Variants in GRXCR1 observed in about 807,000 individuals in gnomAD.
GRXCR1 encodes glutaredoxin and cysteine rich domain containing 1.
GRXCR1 carries 27 observed loss-of-function variants against 27.3 expected under a neutral mutation model. The observed-to-expected ratio is 0.99, with a 90% CI of 0.73 to 1.37. The LOEUF (loss-of-function observed/expected upper bound fraction) is 1.37, where lower values mean the gene tolerates loss of function less well. GRXCR1 is among the 40% of genes most tolerant of loss of function. The probability of loss-of-function intolerance (pLI) is 0.00; values close to 1 mark genes in which losing one functional copy is unlikely to be tolerated. For missense variants in GRXCR1, 379 were observed against 354.4 expected (o/e 1.07, Z -0.56); for synonymous variants, 122 against 131.1 (o/e 0.93, Z 0.47).
chr4:42,899,520 T>G (rs1259875259), intron 1 of GRXCR1, among the ~76,000 whole-genome samples: 1 of 152,170 alleles, frequency 6.6e-6, no homozygotes, highest in Non-Finnish European at 1.5e-5. Flanking sequence ...AATGCTTATA[T>G]TTTTCTCCTT....
chr4:42,997,840 T>G (rs1712222482), intron 2 of GRXCR1, among the ~76,000 whole-genome samples: 1 of 152,110 alleles, frequency 6.6e-6, no homozygotes, highest in African/African-American at 2.4e-5. Context: ...CTCCTAATGA[T>G]CCCAGTTCTT....
At chr4:42,913,201 A>C (rs1254480393) in intron 1 of GRXCR1, among the ~76,000 whole-genome samples, 1 of 152,188 alleles carries the variant, frequency 6.6e-6, no homozygotes, top group African/African-American at 2.4e-5. Context: ...GATACCAAAA[A>C]ATGTGGAAGT....
At position 42,904,163 on chromosome 4, in the gene GRXCR1, C is replaced by A. The variant is rs1266869756; in HGVS notation, c.384+10513C>A. On this transcript the variant is annotated intron_variant, in intron 1 of 3. Transcript: ENST00000399770. The stretch of plus-strand genomic sequence containing the variant: ...AGAATGTCTAGAGATGATTTTGGTC[C>A]ATGGATTCTGGTGTCCATCTTCATT... 2.0e-5 allele frequency among the ~76,000 whole-genome samples: 3 copies of A among 152,106 alleles called. No individual in the cohort carries two copies. The East Asian group carries it at 5.8e-4, about 29-fold the overall frequency.
intron 1 of GRXCR1, among the ~76,000 whole-genome samples, chr4:42,936,080 T>C (rs991489842): frequency 1.7e-4 from 26 of 152,050 alleles, no homozygotes; most frequent in African/African-American, 6.3e-4. Context: ...TGGAGACTTG[T>C]AGTCCTGGCT....
chr4:42,954,321 A>G (rs891097879), intron 1 of GRXCR1, among the ~76,000 whole-genome samples: 1 of 152,158 alleles, frequency 6.6e-6, no homozygotes, highest in Admixed American at 6.5e-5. Context: ...TGGAATTTCT[A>G]GGACTGTCCC....
intron 1 of GRXCR1, among the ~76,000 whole-genome samples, chr4:42,920,629 A>G (rs1465764948): frequency 6.6e-6 from 1 of 152,134 alleles, no homozygotes; most frequent in Non-Finnish European, 1.5e-5. Context: ...GGGTCCTTTT[A>G]TCTTATCAAG....
chr4:43,026,658 A>G (rs2109810515), intron 3 of GRXCR1, among the ~76,000 whole-genome samples: 1 of 152,304 alleles, frequency 6.6e-6, no homozygotes, highest in Non-Finnish European at 1.5e-5. Context: ...GAAAACTACT[A>G]TCATAGAGGG....
At position 42,893,145 on chromosome 4, in the gene GRXCR1, T is replaced by G; in HGVS notation, c.-122T>G. On this transcript the variant is annotated 5_prime_UTR_variant, in exon 1 of 4. Transcript: ENST00000399770. Reference sequence around the variant, plus strand: ...TTGGGAATCTTCTTTCCTTTTGATGTTAGTTTCACAGGAGTGCTGCCATCA... The same window carrying G: ...TTGGGAATCTTCTTTCCTTTTGATGGTAGTTTCACAGGAGTGCTGCCATCA... The G allele has an allele frequency of 9.8e-7, 1 of 1,022,492 alleles. No individual in the cohort carries two copies. The highest frequency in any genetic ancestry group is 1.5e-6 in the Non-Finnish European group (1 of 646,852). The allele number at this position is 1,022,492 out of a possible 1,614,324, so 63.3% of individuals were successfully genotyped here.
In GRXCR1 at chr4:42,932,605, T is replaced by TCCCTTCC. The variant is rs1560654258; in HGVS notation, c.385-30287_385-30286insCCCTTCC. ...ATATATATATATATATATATATATA[T>TCCCTTCC]ATATATATATATATAGAGAGAGAGA... On this transcript the variant is annotated intron_variant, in intron 1 of 3. Coordinates refer to ENST00000399770, the MANE Select transcript of GRXCR1 (RefSeq NM_001080476.3). Among the ~76,000 whole-genome samples, 74 of 57,896 alleles carry TCCCTTCC rather than the reference T, an allele frequency of 1.3e-3. 2 individuals carry two copies. The highest frequency in any genetic ancestry group is 2.0e-3 in the Non-Finnish European group (60 of 30,706). 38.0% of individuals were successfully genotyped at this position (57,896 alleles called of 152,430 possible).
intron 2 of GRXCR1, among the ~76,000 whole-genome samples, chr4:43,008,436 G>A (rs1235106179): frequency 6.6e-6 from 1 of 152,146 alleles, no homozygotes; most frequent in East Asian, 1.9e-4. Flanking sequence ...TTTACAAGTG[G>A]CACAAGCAAA....
At chr4:42,947,520 G>A (rs770004911) in intron 1 of GRXCR1, among the ~76,000 whole-genome samples, 1 of 152,092 alleles carries the variant, frequency 6.6e-6, no homozygotes, top group African/African-American at 2.4e-5. Context: ...TTCAATGATT[G>A]CTTTTTCCAA....
intron 2 of GRXCR1, among the ~76,000 whole-genome samples, chr4:42,994,272 T>A (rs981079129): frequency 3.3e-4 from 51 of 152,264 alleles, no homozygotes; most frequent in African/African-American, 1.2e-3. Context: ...AAGTCATTAG[T>A]CTTTCAAAGT....
intron 2 of GRXCR1, among the ~76,000 whole-genome samples, chr4:42,986,352 G>T (rs1184266625): frequency 1.3e-5 from 2 of 152,200 alleles, no homozygotes; most frequent in East Asian, 3.9e-4. Flanking sequence ...TGTAACCTAT[G>T]TCTGTCTTGC....
intron 1 of GRXCR1, among the ~76,000 whole-genome samples, chr4:42,921,448 G>C (rs557178905): frequency 1.3e-5 from 2 of 152,150 alleles, no homozygotes; most frequent in African/African-American, 4.8e-5. Flanking sequence ...ACTGTATCAT[G>C]CTTCTGGTTA....
chr4:42,927,135 T>A (rs1233946294), intron 1 of GRXCR1, among the ~76,000 whole-genome samples: 1 of 151,988 alleles, frequency 6.6e-6, no homozygotes, highest in Admixed American at 6.6e-5. Flanking sequence ...TTCTCAACCA[T>A]CCCACAGGAT....
chr4:42,988,945 G>C (rs1711869108), intron 2 of GRXCR1, among the ~76,000 whole-genome samples: 1 of 152,084 alleles, frequency 6.6e-6, no homozygotes, highest in African/African-American at 2.4e-5. Flanking sequence ...ATATATAACA[G>C]GCAAAAATTT....
intron 1 of GRXCR1, among the ~76,000 whole-genome samples, chr4:42,921,883 C>T (rs1747019795): frequency 6.6e-6 from 1 of 152,062 alleles, no homozygotes; most frequent in African/African-American, 2.4e-5. Flanking sequence ...CCTTCCTTTT[C>T]CTCATCCTCC....
chr4:42,958,771 T>C (rs1748065300), intron 1 of GRXCR1, among the ~76,000 whole-genome samples: 2 of 151,854 alleles, frequency 1.3e-5, no homozygotes, highest in Admixed American at 1.3e-4. Flanking sequence ...AATAGATATT[T>C]CTCCGAAGAA....
At chr4:42,968,531 T>C (rs1407427971) in intron 2 of GRXCR1, among the ~76,000 whole-genome samples, 1 of 152,090 alleles carries the variant, frequency 6.6e-6, no homozygotes, top group Admixed American at 6.6e-5. Flanking sequence ...TTTTCTCATA[T>C]GCAAAATGTA....
Sources: allele counts gnomAD v4.1 joint callset (sites outside exome capture counted in the v4.1 genomes callset), GRCh38; gene constraint gnomAD v4.1.1; transcripts MANE v1.5; gene names NCBI Gene and HGNC (gene_info 2026-07-23, HGNC 2026-07-21).